ACOX3: variants seen among roughly 807,000 people sequenced by gnomAD.
ACOX3 encodes peroxisomal acyl-coenzyme A oxidase 3.
In ACOX3, 73 loss-of-function variants were observed where a neutral mutation model predicts 81.5. The ratio of observed to expected loss-of-function variants is 0.90; its 90% confidence interval spans 0.74 to 1.09. The LOEUF (loss-of-function observed/expected upper bound fraction) is 1.09, where lower values mean the gene tolerates loss of function less well. ACOX3 is among the 50% of genes least tolerant of loss of function. The pLI is 0.00. For missense variants in ACOX3, 947 were observed against 928.0 expected (o/e 1.02, Z -0.27); for synonymous variants, 387 against 375.1 (o/e 1.03, Z -0.37).
At chr4:8,363,299 T>C (rs1331659882), downstream of ACOX3, among the ~76,000 whole-genome samples, 1 of 152,238 alleles carries the variant, frequency 6.6e-6, no homozygotes, top group Non-Finnish European at 1.5e-5. Flanking sequence ...TATATTGCTG[T>C]TGTACTCTTT....
At chr4:8,390,671 G>A (rs949297847) in intron 11 of ACOX3, among the ~76,000 whole-genome samples, 4 of 152,238 alleles carry the variant, frequency 2.6e-5, no homozygotes, top group African/African-American at 9.6e-5. Context: ...CTACTGTGAT[G>A]GAAAGTGTTC....
At chr4:8,373,773 C>A in intron 15 of ACOX3, 145 bp from the exon 16 acceptor site, 1 of 694,828 alleles carries the variant, frequency 1.4e-6, no homozygotes, top group East Asian at 2.7e-5. Context: ...TGTCCCCAGC[C>A]CAGATGTGAC....
chr4:8,413,378 G>C (rs1186104833), intron 5 of ACOX3, among the ~76,000 whole-genome samples: 100 of 74,594 alleles, frequency 1.3e-3, no homozygotes, highest in East Asian at 2.1e-3. Context: ...CTCCACCCCT[G>C]TGCCCCTCCA....
rs1718249365 is a variant in ACOX3 at position 8,385,976 on chromosome 4, C to T, written c.1537+3197G>A. On this transcript the variant is annotated intron_variant, in intron 13 of 17. Coordinates refer to ENST00000356406, the MANE Select transcript of ACOX3 (RefSeq NM_003501.3). This position sits in a 1 kb window ranked among gnomAD's most constrained non-coding sequence, Gnocchi z 5.5. ...CATTTGCCTTTGTTACTCCGGAAAA[C>T]GTTTTCACTTTGTTGCATCTTGTAA... 1.3e-5 allele frequency among the ~76,000 whole-genome samples: 2 copies of T among 152,316 alleles called. No homozygotes were observed. Among genetic ancestry groups the T allele is most frequent in the South Asian group, 2.1e-4 (1 of 4,824 alleles).
At chr4:8,377,961 G>T (rs1044763628) in intron 14 of ACOX3, among the ~76,000 whole-genome samples, 2 of 152,128 alleles carry the variant, frequency 1.3e-5, no homozygotes, top group Admixed American at 6.5e-5. Context: ...CCCTAGACAG[G>T]GCGGGGCTGG....
In ACOX3 at chr4:8,432,395, G is replaced by A. The variant is rs184135361; in HGVS notation, c.-15+8253C>T. ...ACTACAGGCGCCCACCACCACGCCC[G>A]GCTAATTTTTTGTATTTTTAGTAGA... On this transcript the variant is annotated intron_variant, in intron 1 of 17. Coordinates refer to ENST00000356406, the MANE Select transcript of ACOX3 (RefSeq NM_003501.3). This position sits in a 1 kb window ranked among gnomAD's most constrained non-coding sequence, Gnocchi z 6.2. 6.4e-3 allele frequency among the ~76,000 whole-genome samples: 969 copies of A among 152,066 alleles called. 6 individuals carry two copies. Among genetic ancestry groups the A allele is most frequent in the Non-Finnish European group, 0.012 (812 of 67,946 alleles).
chr4:8,355,499 G>C, the ACOX3 span: 1 of 152,156 alleles, frequency 6.6e-6, no homozygotes, highest in South Asian at 2.1e-4. Flanking sequence ...GATTCAGTGG[G>C]CAAAGCATTT....
intron 5 of ACOX3, among the ~76,000 whole-genome samples, chr4:8,412,067 G>A (rs1196912755): frequency 1.3e-5 from 2 of 152,238 alleles, no homozygotes; most frequent in Non-Finnish European, 2.9e-5. Flanking sequence ...TTGTCCATCT[G>A]CCTGTCAGAA....
chr4:8,397,645 C>T (rs1222134391), intron 8 of ACOX3, among the ~76,000 whole-genome samples: 3 of 152,228 alleles, frequency 2.0e-5, no homozygotes, highest in South Asian at 2.1e-4. Flanking sequence ...GCATCAGCGG[C>T]GTCAGCAGAG....
chr4:8,437,981 A>G lies in ACOX3; in HGVS notation c.-15+2667T>C, dbSNP rs985019791. Among the ~76,000 whole-genome samples, 2 of 152,236 alleles carry G rather than the reference A, an allele frequency of 1.3e-5. No homozygotes were observed. The highest frequency in any genetic ancestry group is 2.9e-5 in the Non-Finnish European group (2 of 68,026). Reference sequence around the variant, plus strand: ...CCAATTTCTCACTGATGGCTAAGCCACTAGATAGAGTTACAAAGGGGGGAA... The same window carrying G: ...CCAATTTCTCACTGATGGCTAAGCCGCTAGATAGAGTTACAAAGGGGGGAA... On this transcript the variant is annotated intron_variant, in intron 1 of 17. Transcript: ENST00000356406. The surrounding 1 kb of genome is among the most constrained non-coding windows in gnomAD (Gnocchi z 5.2).
rs1472835446 is a variant in ACOX3, at chr4:8,394,530, T to G, written c.1179+90A>C. The G allele has an allele frequency of 2.0e-6, 3 of 1,533,272 alleles. No individual in the cohort carries two copies. Among genetic ancestry groups the G allele is most frequent in the East Asian group, 2.3e-5 (1 of 43,398 alleles). The allele number at this position is 1,533,272 out of a possible 1,614,324, so 95.0% of individuals were successfully genotyped here. A position where few individuals can be genotyped will look rare whatever the true frequency, so the allele number is the denominator to read the frequency against. The stretch of plus-strand genomic sequence containing the variant: ...GCTCTGTCCTCGCAAATCAAAGGAC[T>G]GATTTTGCTTTGAAATGAAGGTTGA... On this transcript the variant is annotated intron_variant, in intron 10 of 17. Coordinates refer to ENST00000356406, the MANE Select transcript of ACOX3 (RefSeq NM_003501.3). The surrounding 1 kb of genome is among the most constrained non-coding windows in gnomAD (Gnocchi z 5.9).
Position 8,384,633 on chromosome 4 carries a change from C to T in ACOX3, c.1538-3026G>A, listed in dbSNP as rs1718084728. ...ACTGCCCCTCGATCTGCCCCCTCCC[C>T]AGCTGGGGCTCTGTCCTTGACCCCA... On this transcript the variant is annotated intron_variant, in intron 13 of 17. Transcript: ENST00000356406. This position sits in a 1 kb window ranked among gnomAD's most constrained non-coding sequence, Gnocchi z 5.3. Among the ~76,000 whole-genome samples the T allele has an allele frequency of 6.6e-6, 1 of 152,200 alleles. No homozygotes were observed. Among genetic ancestry groups the T allele is most frequent in the Admixed American group, 6.5e-5 (1 of 15,284 alleles).
chr4:8,417,703 T>C (rs891539552), intron 1 of ACOX3, among the ~76,000 whole-genome samples: 2 of 151,974 alleles, frequency 1.3e-5, no homozygotes, highest in Non-Finnish European at 2.9e-5. Flanking sequence ...TAATAAAAGA[T>C]AGAGCAACTG....
At chr4:8,402,415 C>T (rs1044943709) in intron 7 of ACOX3, among the ~76,000 whole-genome samples, 14 of 152,216 alleles carry the variant, frequency 9.2e-5, no homozygotes, top group African/African-American at 3.1e-4. Context: ...TGAGAAAAAC[C>T]TTGCCTCGGT....
chr4:8,362,815 A>G (rs2108769745), downstream of ACOX3, among the ~76,000 whole-genome samples: 1 of 152,354 alleles, frequency 6.6e-6, no homozygotes, highest in South Asian at 2.1e-4. Context: ...CTGGCTCTAA[A>G]AAAGTCTTAT....
chr4:8,380,741 T>C (rs1362301948), intron 14 of ACOX3, among the ~76,000 whole-genome samples: 2 of 152,132 alleles, frequency 1.3e-5, no homozygotes, highest in African/African-American at 4.8e-5. Flanking sequence ...TGACAGCAGC[T>C]CTCTCCGTAT....
rs1222429985 is a variant in ACOX3 at position 8,386,711 on chromosome 4, C to T, written c.1537+2462G>A. Among the ~76,000 whole-genome samples the T allele has an allele frequency of 2.0e-5, 3 of 152,294 alleles. No individual in the cohort carries two copies. Among genetic ancestry groups the T allele is most frequent in the South Asian group, 2.1e-4 (1 of 4,830 alleles). On this transcript the variant is annotated intron_variant, in intron 13 of 17. Coordinates refer to ENST00000356406, the MANE Select transcript of ACOX3 (RefSeq NM_003501.3). The surrounding 1 kb of genome is among the most constrained non-coding windows in gnomAD (Gnocchi z 5.2). ...AAGCTGTAACCCAGCGCAGTGACCA[C>T]GAGAAAGCAAGCAGTGATGCAGACG... is the stretch of plus-strand genomic sequence containing the variant.
intron 16 of ACOX3, among the ~76,000 whole-genome samples, chr4:8,372,122 G>A (rs1178397630): frequency 6.6e-6 from 1 of 152,154 alleles, no homozygotes; most frequent in Non-Finnish European, 1.5e-5. Flanking sequence ...TTTTGAGACG[G>A]GGTCTTGCTC....
rs899262804 is a variant in ACOX3 at position 8,400,313 on chromosome 4, T to C, written c.777-661A>G. On this transcript the variant is annotated intron_variant, in intron 7 of 17. Transcript: ENST00000356406. This position sits in a 1 kb window ranked among gnomAD's most constrained non-coding sequence, Gnocchi z 4.4. The stretch of plus-strand genomic sequence containing the variant: ...GCATTGTGTATATGGTAAGTTGTAC[T>C]CCAAGTACAGAACTCCAGATATTCA... Among the ~76,000 whole-genome samples the C allele has an allele frequency of 6.6e-6, 1 of 151,986 alleles. No homozygotes were observed. Among genetic ancestry groups the C allele is most frequent in the Non-Finnish European group, 1.5e-5 (1 of 68,022 alleles).
Sources: gnomAD v4.1 joint callset for allele counts (sites outside exome capture counted in the v4.1 genomes callset) on GRCh38, gnomAD v4.1.1 for gene constraint, Gnocchi (gnomAD v3.1) non-coding constraint, MANE v1.5 for transcripts, NCBI Gene and HGNC (gene_info 2026-07-23, HGNC 2026-07-21) for gene names.